NALF1: variants seen among roughly 807,000 people sequenced by gnomAD.
The protein encoded by NALF1 is family with sequence similarity 155 member A.
Under a neutral mutation model 48.4 loss-of-function variants are expected in NALF1, and 3 were observed. That is an observed-to-expected ratio of 0.06 (90% CI 0.03 to 0.16). The LOEUF (loss-of-function observed/expected upper bound fraction) is 0.16. Among genes scored for constraint, NALF1 ranks in the 10% least tolerant of loss-of-function variants. The probability of loss-of-function intolerance (pLI) is 1.00; values close to 1 mark genes in which losing one functional copy is unlikely to be tolerated. For synonymous variants in NALF1, 262 were observed against 245.7 expected, an observed-to-expected ratio of 1.07 and a Z score of -0.62; for missense variants, 526 against 571.5, an observed-to-expected ratio of 0.92 and a Z score of 0.81.
intron 1 of NALF1, among the ~76,000 whole-genome samples, chr13:107,718,752 C>T (rs925068033): frequency 3.9e-5 from 6 of 152,260 alleles, no homozygotes; most frequent in Non-Finnish European, 8.8e-5. Context: ...CCAGGCCCTG[C>T]GCTTTCTAAT....
intron 1 of NALF1, among the ~76,000 whole-genome samples, chr13:107,244,448 G>C (rs984833351): frequency 6.6e-6 from 1 of 152,206 alleles, no homozygotes; most frequent in Non-Finnish European, 1.5e-5. Context: ...GTTTTCGTCT[G>C]AAAGACAAGA....
rs1205898766 is a variant in NALF1 at position 107,551,778 on chromosome 13, T to G, written c.915+313904A>C. Among the ~76,000 whole-genome samples the G allele has an allele frequency of 2.0e-5, 3 of 152,134 alleles. No individual in the cohort carries two copies. The East Asian group carries it at 5.8e-4, about 29-fold the overall frequency. The stretch of plus-strand genomic sequence containing the variant: ...CTCTCTCCATAATCCTTGCAGTATT[T>G]CTTCTGTTCTACTTATTTCTGTTAA... On this transcript the variant is annotated intron_variant, in intron 1 of 2. Coordinates refer to ENST00000375915, the MANE Select transcript of NALF1 (RefSeq NM_001080396.3).
At position 107,680,527 on chromosome 13, in the gene NALF1, G is replaced by A. The variant is rs544639029; in HGVS notation, c.915+185155C>T. Among the ~76,000 whole-genome samples, 217 of 151,790 alleles carry A rather than the reference G, an allele frequency of 1.4e-3. 2 individuals are homozygous for A. Among genetic ancestry groups the A allele is most frequent in the Admixed American group, 4.1e-3 (63 of 15,238 alleles). On this transcript the variant is annotated intron_variant, in intron 1 of 2. Transcript: ENST00000375915. ...GTATGCACGAGTGAGGGTGTGTGAGGAGTGTGTATGTGATGGTGTGTGGTG... is the reference window on the plus strand; with the variant it reads ...GTATGCACGAGTGAGGGTGTGTGAGAAGTGTGTATGTGATGGTGTGTGGTG...
chr13:107,379,393 C>T (rs371722960), intron 1 of NALF1, among the ~76,000 whole-genome samples: 2 of 152,218 alleles, frequency 1.3e-5, no homozygotes, highest in South Asian at 2.1e-4. Context: ...TCAAAATGCT[C>T]GAGAATTTCT....
intron 1 of NALF1, among the ~76,000 whole-genome samples, chr13:107,365,497 A>G (rs1883137530): frequency 6.6e-6 from 1 of 152,148 alleles, no homozygotes; most frequent in African/African-American, 2.4e-5. Context: ...TCCAACCCAA[A>G]GAAACATGGA....
chr13:107,270,771 G>A lies in NALF1; in HGVS notation c.916-60016C>T, dbSNP rs577210212. 2.7e-3 allele frequency among the ~76,000 whole-genome samples: 405 copies of A among 151,478 alleles called. 3 individuals are homozygous for A. Among genetic ancestry groups the A allele is most frequent in the African/African-American group, 9.0e-3 (372 of 41,230 alleles). ...GTTGGTGTGCTGCACCCATTAACTC[G>A]TCATTTAGCATTAGGTATATCTCCT... On this transcript the variant is annotated intron_variant, in intron 1 of 2. Coordinates refer to ENST00000375915, the MANE Select transcript of NALF1 (RefSeq NM_001080396.3).
chr13:107,352,941 G>A (rs1258661604), intron 1 of NALF1, among the ~76,000 whole-genome samples: 1 of 152,146 alleles, frequency 6.6e-6, no homozygotes, highest in East Asian at 1.9e-4. Context: ...GAGAAGAAGA[G>A]ACTGGGTCAC....
rs886704039 is a variant in NALF1, at chr13:107,166,683, T to A, written c.*3814A>T. The A allele has an allele frequency of 6.6e-6, 1 of 152,114 alleles. No homozygotes were observed. Among genetic ancestry groups the A allele is most frequent in the African/African-American group, 2.4e-5 (1 of 41,402 alleles). 9.4% of individuals were successfully genotyped at this position (152,114 alleles called of 1,614,324 possible). On this transcript the variant is annotated 3_prime_UTR_variant, in exon 3 of 3. Coordinates refer to ENST00000375915, the MANE Select transcript of NALF1 (RefSeq NM_001080396.3). ...ATCCAATTGCTTATTTCATTTATGT[T>A]TTTTTCCCCCGGAAAAAAGTATGTA...
At chr13:107,857,826 CT>C (rs1880475060) in intron 1 of NALF1, among the ~76,000 whole-genome samples, 2 of 152,116 alleles carry the variant, frequency 1.3e-5, no homozygotes, top group Admixed American at 6.5e-5. Flanking sequence ...TATATGAGAT[CT>C]CAAGTGAGGA....
At chr13:107,709,742 G>C (rs1875509302) in intron 1 of NALF1, among the ~76,000 whole-genome samples, 1 of 152,176 alleles carries the variant, frequency 6.6e-6, no homozygotes. Flanking sequence ...AGGAAGCTCA[G>C]ACTAAATATT....
At chr13:107,642,021 G>T (rs992071910) in intron 1 of NALF1, among the ~76,000 whole-genome samples, 1 of 152,148 alleles carries the variant, frequency 6.6e-6, no homozygotes, top group Non-Finnish European at 1.5e-5. Flanking sequence ...GACAAACCCA[G>T]TGCTGAGACC....
At position 107,726,609 on chromosome 13, in the gene NALF1, C is replaced by CT. The variant is rs747619499; in HGVS notation, c.915+139072dup. ...ATCTTATGCTATGTAAAGGCAAATT[C>CT]TTTTTTTTTTTTTTTTTCCAGATGG... is the stretch of plus-strand genomic sequence containing the variant. On this transcript the variant is annotated intron_variant, in intron 1 of 2. Coordinates refer to ENST00000375915, the MANE Select transcript of NALF1 (RefSeq NM_001080396.3). Among the ~76,000 whole-genome samples, 817 of 98,580 alleles carry CT rather than the reference C, an allele frequency of 8.3e-3. 14 individuals are homozygous for CT. The highest frequency in any genetic ancestry group is 0.028 in the Middle Eastern group (4 of 144). 64.7% of individuals were successfully genotyped at this position (98,580 alleles called of 152,430 possible).
intron 1 of NALF1, among the ~76,000 whole-genome samples, chr13:107,231,208 ATATT>A (rs1017554000): frequency 6.6e-6 from 1 of 152,168 alleles, no homozygotes; most frequent in Non-Finnish European, 1.5e-5. Flanking sequence ...TTTTGTAAAA[ATATT>A]TACCCCACTG....
At chr13:107,816,263 A>G (rs1162872779) in intron 1 of NALF1, among the ~76,000 whole-genome samples, 1 of 152,204 alleles carries the variant, frequency 6.6e-6, no homozygotes, top group Non-Finnish European at 1.5e-5. Context: ...AAAAGAGTGA[A>G]TTGAATGATA....
At chr13:107,825,371 T>A (rs1879483955) in intron 1 of NALF1, among the ~76,000 whole-genome samples, 1 of 152,354 alleles carries the variant, frequency 6.6e-6, no homozygotes, top group East Asian at 1.9e-4. Flanking sequence ...TGAAATGACA[T>A]TTTTCATATC....
chr13:107,311,457 T>A (rs1011629320), intron 1 of NALF1, among the ~76,000 whole-genome samples: 3 of 152,086 alleles, frequency 2.0e-5, no homozygotes, highest in African/African-American at 7.2e-5. Context: ...CATTTTTGTA[T>A]ACAGAGGTTT....
At chr13:107,704,025 T>C (rs1881888983) in intron 1 of NALF1, among the ~76,000 whole-genome samples, 1 of 152,228 alleles carries the variant, frequency 6.6e-6, no homozygotes, top group African/African-American at 2.4e-5. Flanking sequence ...TCCATTTTCC[T>C]ACCTTTGGAA....
chr13:107,619,557 A>G (rs2138439420), intron 1 of NALF1, among the ~76,000 whole-genome samples: 1 of 152,276 alleles, frequency 6.6e-6, no homozygotes, highest in South Asian at 2.1e-4. Flanking sequence ...AACACGTTGC[A>G]TTTTTCTTTA....
chr13:107,664,369 T>C (rs1422875089), intron 1 of NALF1, among the ~76,000 whole-genome samples: 1 of 152,186 alleles, frequency 6.6e-6, no homozygotes, highest in Admixed American at 6.6e-5. Context: ...TCACATTAGC[T>C]CCTAACTGAT....
Sources: allele counts gnomAD v4.1 joint callset (sites outside exome capture counted in the v4.1 genomes callset), GRCh38; gene constraint gnomAD v4.1.1; transcripts MANE v1.5; gene names NCBI Gene and HGNC (gene_info 2026-07-23, HGNC 2026-07-21).